The following PTPRK variants were observed in gnomAD, a reference collection of about 807,000 sequenced individuals.
PTPRK encodes receptor-type tyrosine-protein phosphatase kappa.
In PTPRK, 75 loss-of-function variants were observed where a neutral mutation model predicts 178.0. That is an observed-to-expected ratio of 0.42 (90% CI 0.35 to 0.51). The LOEUF is 0.51. Ranked by LOEUF, PTPRK falls within the 20% of genes least tolerant of loss-of-function variation. The pLI is 0.02. For synonymous variants in PTPRK, 637 were observed against 620.6 expected (o/e 1.03, Z -0.39); for missense variants, 1,441 against 1,797.8 (o/e 0.80, Z 3.59).
rs929049704 is a variant in PTPRK, at chr6:128,110,412, G to A, written c.1163-20420C>T. ...TCCCTGTCTTTTGGAAGTAGTAGCC[G>A]ACGTTTCATTTAACAGCTGAACAAG... On this transcript the variant is annotated intron_variant, in intron 7 of 29. Transcript: ENST00000368226. Among the ~76,000 whole-genome samples, 8 of 152,186 alleles carry A rather than the reference G, an allele frequency of 5.3e-5. No individual in the cohort carries two copies. The South Asian group carries it at 8.3e-4, about 16-fold the overall frequency.
intron 5 of PTPRK, among the ~76,000 whole-genome samples, chr6:128,226,120 G>GAT (rs1407919371): frequency 2.6e-5 from 4 of 152,142 alleles, no homozygotes; most frequent in Admixed American, 2.6e-4. Flanking sequence ...TGCTGGGGAT[G>GAT]ATACCCAGCT....
chr6:128,172,411 C>G (rs1800398165), intron 7 of PTPRK, among the ~76,000 whole-genome samples: 2 of 151,614 alleles, frequency 1.3e-5, no homozygotes, highest in South Asian at 2.1e-4. Flanking sequence ...CTTTATCTCC[C>G]CTGTGCTACT....
At chr6:128,411,001 C>T (rs756778527) in intron 1 of PTPRK, among the ~76,000 whole-genome samples, 1 of 152,210 alleles carries the variant, frequency 6.6e-6, no homozygotes, top group Non-Finnish European at 1.5e-5. Context: ...AAGTGATCCT[C>T]CTGCCTCAGA....
chr6:128,043,587 G>A (rs1378966332), intron 13 of PTPRK, among the ~76,000 whole-genome samples: 1 of 151,830 alleles, frequency 6.6e-6, no homozygotes, highest in Non-Finnish European at 1.5e-5. Context: ...GAAACCAAAG[G>A]TTAAGAAAGA....
At chr6:128,300,498 T>G (rs1298272905) in intron 3 of PTPRK, among the ~76,000 whole-genome samples, 1 of 151,758 alleles carries the variant, frequency 6.6e-6, no homozygotes, top group African/African-American at 2.4e-5. Context: ...ATAGACTGGA[T>G]TAAGAAAATG....
intron 3 of PTPRK, among the ~76,000 whole-genome samples, chr6:128,298,149 T>G (rs1320609966): frequency 6.6e-6 from 1 of 152,142 alleles, no homozygotes; most frequent in East Asian, 1.9e-4. Context: ...TATAAATTCC[T>G]TGACACACAC....
chr6:128,180,459 C>G (rs372491201), intron 7 of PTPRK, among the ~76,000 whole-genome samples: 1 of 151,920 alleles, frequency 6.6e-6, no homozygotes, highest in African/African-American at 2.4e-5. Context: ...ATAATCATAC[C>G]CCTCAGGTTC....
chr6:128,336,192 T>G (rs1486138873), intron 2 of PTPRK, among the ~76,000 whole-genome samples: 1 of 850 alleles, frequency 1.2e-3, no homozygotes, highest in African/African-American at 1.4e-3. Context: ...CAACAGTGTG[T>G]TTTTTTTTTT....
At chr6:128,333,674 T>C (rs1362189357) in intron 2 of PTPRK, among the ~76,000 whole-genome samples, 1 of 152,196 alleles carries the variant, frequency 6.6e-6, no homozygotes, top group Non-Finnish European at 1.5e-5. Context: ...GTGGCTGGTT[T>C]AATCTCCTAT....
At chr6:128,195,963 T>C (rs1804788181) in intron 6 of PTPRK, among the ~76,000 whole-genome samples, 1 of 152,094 alleles carries the variant, frequency 6.6e-6, no homozygotes, top group African/African-American at 2.4e-5. Flanking sequence ...TCTTATTGGA[T>C]TAAGAGATAC....
intron 2 of PTPRK, among the ~76,000 whole-genome samples, chr6:128,336,473 G>T (rs967911131): frequency 6.6e-6 from 1 of 152,152 alleles, no homozygotes; most frequent in Non-Finnish European, 1.5e-5. Context: ...CTGGGAAAAT[G>T]GGAGGTAATT....
chr6:128,340,793 G>T, intron 2 of PTPRK: 1 of 482,958 alleles, frequency 2.1e-6, no homozygotes, highest in Non-Finnish European at 4.1e-6. Flanking sequence ...TTTTAGGTTT[G>T]ATTCTTTTGG....
chr6:128,491,656 T>G, intron 1 of PTPRK: 1 of 443,988 alleles, frequency 2.3e-6, no homozygotes, highest in South Asian at 1.6e-5. Flanking sequence ...GCTCAGGCAC[T>G]CATGTGAACA....
Position 128,322,257 on chromosome 6 carries a change from G to C in PTPRK, c.277C>G (p.Leu93Val). ...SDHDPGEKAR[L>V]QLPTMKENDT... Reference sequence around the variant, plus strand: ...TTCTCCTTCATTGTAGGCAGCTGAAGTCTGGCTTTTTCTCCAGGGTCGTGA... The same window carrying C: ...TTCTCCTTCATTGTAGGCAGCTGAACTCTGGCTTTTTCTCCAGGGTCGTGA... The change falls in exon 3 of 30, where the codon CTT (leucine) becomes GTT (valine). Residue 93 changes from leucine to valine, a missense_variant. By Grantham distance (32) the Leu-to-Val change is conservative. Around this residue, in one of 4 missense-constraint regions of PTPRK, gnomAD observed 158 missense variants for 188.0 expected, o/e 0.84. Coordinates refer to ENST00000368226, the MANE Select transcript of PTPRK (RefSeq NM_002844.4). The C allele has an allele frequency of 6.2e-7, 1 of 1,611,260 alleles. No homozygotes were observed. Among genetic ancestry groups the C allele is most frequent in the Non-Finnish European group, 8.5e-7 (1 of 1,177,470 alleles).
intron 1 of PTPRK, among the ~76,000 whole-genome samples, chr6:128,432,773 C>G (rs901940064): frequency 6.7e-6 from 1 of 150,180 alleles, no homozygotes; most frequent in Non-Finnish European, 1.5e-5. Flanking sequence ...CACACACACA[C>G]CCTAACTCAA....
intron 6 of PTPRK, among the ~76,000 whole-genome samples, chr6:128,200,076 T>C (rs1483840961): frequency 2.0e-5 from 3 of 152,188 alleles, no homozygotes; most frequent in Non-Finnish European, 2.9e-5. Context: ...TTCTTCAGAA[T>C]TACTTATTTG....
chr6:128,229,296 C>T (rs995613612), intron 5 of PTPRK, among the ~76,000 whole-genome samples: 4 of 152,132 alleles, frequency 2.6e-5, no homozygotes, highest in African/African-American at 7.2e-5. Flanking sequence ...AATCCACCTT[C>T]CTTATGTCAC....
At chr6:128,378,677 A>T (rs9321117) in intron 2 of PTPRK, among the ~76,000 whole-genome samples, 1 of 152,084 alleles carries the variant, frequency 6.6e-6, no homozygotes, top group Non-Finnish European at 1.5e-5. Context: ...GTATATGCAT[A>T]ATCGTTCAAA....
chr6:128,155,264 AG>A (rs1297254794), intron 7 of PTPRK, among the ~76,000 whole-genome samples: 4 of 151,750 alleles, frequency 2.6e-5, no homozygotes, highest in Non-Finnish European at 5.9e-5. Context: ...TTCTATTAGG[AG>A]GCTCAGAATA....
Sources: gnomAD v4.1 joint callset for allele counts (sites outside exome capture counted in the v4.1 genomes callset) on GRCh38, gnomAD v4.1.1 for gene constraint, gnomAD v4.1.1 regional missense constraint, MANE v1.5 for transcripts, NCBI Gene and HGNC (gene_info 2026-07-23, HGNC 2026-07-21) for gene names.